Variants in RAB38 observed in about 807,000 individuals in gnomAD.
RAB38 encodes RAB38, member RAS oncogene family, also known as ras-related protein Rab-38.
A neutral mutation model predicts 18.4 loss-of-function variants in RAB38; 15 were observed. The observed-to-expected ratio is 0.82, with a 90% CI of 0.55 to 1.26. The LOEUF (loss-of-function observed/expected upper bound fraction) is 1.26. RAB38 is among the 50% of genes most tolerant of loss of function. RAB38 has a pLI of 0.00. For missense variants in RAB38, 294 were observed against 267.4 expected (o/e 1.10, Z -0.69); for synonymous variants, 101 against 104.4 (o/e 0.97, Z 0.20).
At chr11:88,157,093 G>A (rs1280350309) in intron 1 of RAB38, among the ~76,000 whole-genome samples, 1 of 152,128 alleles carries the variant, frequency 6.6e-6, no homozygotes, top group African/African-American at 2.4e-5. Context: ...CTATCTTCAA[G>A]AAATCCATCT....
the RAB38 span, among the ~76,000 whole-genome samples, chr11:87,956,596 G>C: frequency 6.6e-6 from 1 of 152,070 alleles, no homozygotes; most frequent in Non-Finnish European, 1.5e-5. Context: ...ACTGGGGTCT[G>C]GGAACTAATT....
chr11:87,892,463 C>T, the RAB38 span, among the ~76,000 whole-genome samples: 3 of 151,928 alleles, frequency 2.0e-5, no homozygotes, highest in East Asian at 5.9e-4. Flanking sequence ...TCATCCTCCA[C>T]AATGATGCTA....
the RAB38 span, among the ~76,000 whole-genome samples, chr11:88,080,274 T>C: frequency 1.3e-5 from 2 of 151,612 alleles, no homozygotes; most frequent in African/African-American, 4.8e-5. Flanking sequence ...AATTAGAAAT[T>C]TAACTTTTAA....
the RAB38 span, among the ~76,000 whole-genome samples, chr11:87,880,691 G>A: frequency 6.6e-6 from 1 of 151,746 alleles, no homozygotes; most frequent in Non-Finnish European, 1.5e-5. Flanking sequence ...TTATACACTT[G>A]AAAAAGTATA....
chr11:87,826,484 A>G, the RAB38 span, among the ~76,000 whole-genome samples: 17 of 152,226 alleles, frequency 1.1e-4, no homozygotes, highest in South Asian at 3.3e-3. Context: ...ATATTTTTTT[A>G]AAAAATAAAA....
At chr11:87,959,635 C>A in the RAB38 span, among the ~76,000 whole-genome samples, 2 of 152,182 alleles carry the variant, frequency 1.3e-5, no homozygotes, top group Non-Finnish European at 2.9e-5. Context: ...CCAGTTATAG[C>A]CAAATATCCA....
the RAB38 span, among the ~76,000 whole-genome samples, chr11:87,861,561 C>T: frequency 6.6e-6 from 1 of 151,826 alleles, no homozygotes; most frequent in Non-Finnish European, 1.5e-5. Context: ...TTGAGATGCT[C>T]AGGGCATTTT....
chr11:88,058,991 C>T, the RAB38 span, among the ~76,000 whole-genome samples: 2 of 152,152 alleles, frequency 1.3e-5, no homozygotes, highest in Admixed American at 6.5e-5. Flanking sequence ...TGAGGATGCT[C>T]CAAGGGATTC....
chr11:87,966,411 G>A, the RAB38 span, among the ~76,000 whole-genome samples: 13 of 152,148 alleles, frequency 8.5e-5, no homozygotes, highest in Admixed American at 2.0e-4. Context: ...CAAGGGAAAA[G>A]AGAAATGGCA....
At chr11:87,819,715 TAC>T in the RAB38 span, among the ~76,000 whole-genome samples, 19 of 2,258 alleles carry the variant, frequency 8.4e-3, no homozygotes, top group African/African-American at 0.022. Context: ...TATATATATA[TAC>T]GTGTATGTAT....
the RAB38 span, among the ~76,000 whole-genome samples, chr11:87,864,245 C>T: frequency 2.0e-5 from 3 of 151,496 alleles, no homozygotes; most frequent in African/African-American, 4.8e-5. Flanking sequence ...TTATTCCACT[C>T]TCAAGGCTGG....
At chr11:87,867,742 C>T in the RAB38 span, among the ~76,000 whole-genome samples, 1 of 151,672 alleles carries the variant, frequency 6.6e-6, no homozygotes. Flanking sequence ...AGATACTATT[C>T]TGTGTGTTTT....
the RAB38 span, among the ~76,000 whole-genome samples, chr11:88,012,151 G>C: frequency 1.3e-5 from 2 of 152,138 alleles, no homozygotes; most frequent in East Asian, 1.9e-4. Flanking sequence ...TGGTCACCAA[G>C]AGTCATGGCA....
intron 2 of RAB38, among the ~76,000 whole-genome samples, chr11:88,143,547 T>C (rs1005927375): frequency 7.4e-6 from 1 of 135,322 alleles, no homozygotes; most frequent in Non-Finnish European, 1.7e-5. Context: ...TTCTAAGGTG[T>C]CTAAATTTAA....
chr11:88,107,576 C>T, the RAB38 span, among the ~76,000 whole-genome samples: 1 of 150,628 alleles, frequency 6.6e-6, no homozygotes, highest in African/African-American at 2.5e-5. Flanking sequence ...AAAAATACCT[C>T]CTGGATTCAT....
At chr11:88,051,255 C>T in the RAB38 span, among the ~76,000 whole-genome samples, 7 of 152,038 alleles carry the variant, frequency 4.6e-5, no homozygotes, top group African/African-American at 1.4e-4. Context: ...CCCCAGGGTA[C>T]TGGAAACTGA....
chr11:88,089,772 A>G, the RAB38 span, among the ~76,000 whole-genome samples: 6 of 152,096 alleles, frequency 3.9e-5, no homozygotes, highest in Admixed American at 3.9e-4. Context: ...AAAACGGCAC[A>G]TGAACTCTAA....
the RAB38 span, among the ~76,000 whole-genome samples, chr11:87,843,386 A>T: frequency 6.6e-6 from 1 of 152,148 alleles, no homozygotes; most frequent in Non-Finnish European, 1.5e-5. Context: ...AAGTACTAAG[A>T]AGTTTTACAT....
the RAB38 span, among the ~76,000 whole-genome samples, chr11:87,939,079 A>C: frequency 6.6e-6 from 1 of 152,050 alleles, no homozygotes; most frequent in Non-Finnish European, 1.5e-5. Flanking sequence ...TTGTGATCAA[A>C]TGTGTATTTG....
Sources: allele counts gnomAD v4.1 joint callset (sites outside exome capture counted in the v4.1 genomes callset), GRCh38; gene constraint gnomAD v4.1.1; transcripts MANE v1.5; gene names NCBI Gene and HGNC (gene_info 2026-07-23, HGNC 2026-07-21).